ANKRD12: variants seen among roughly 807,000 people sequenced by gnomAD.
ANKRD12 encodes ankyrin repeat domain 12.
In ANKRD12, 85 loss-of-function variants were observed where a neutral mutation model predicts 183.4. The ratio of observed to expected loss-of-function variants is 0.46; its 90% CI spans 0.39 to 0.56. ANKRD12 has a LOEUF of 0.56. Ranked by LOEUF, ANKRD12 falls within the 20% of genes least tolerant of loss-of-function variation. The probability of loss-of-function intolerance (pLI) is 0.00; values close to 1 mark genes in which losing one functional copy is unlikely to be tolerated. For synonymous variants in ANKRD12, 914 were observed against 800.2 expected (o/e 1.14, Z -2.40); for missense variants, 2,405 against 2,357.1 (o/e 1.02, Z -0.42).
intron 9 of ANKRD12, among the ~76,000 whole-genome samples, chr18:9,261,193 C>CA (rs2038944406): frequency 6.6e-6 from 1 of 152,226 alleles, no homozygotes; most frequent in Non-Finnish European, 1.5e-5. Context: ...AGCAAGCTGT[C>CA]AGACCTTTCA....
At chr18:9,217,295 A>G (rs2036164100) in intron 7 of ANKRD12, among the ~76,000 whole-genome samples, 1 of 152,220 alleles carries the variant, frequency 6.6e-6, no homozygotes, top group South Asian at 2.1e-4. Flanking sequence ...ATACAAGTGC[A>G]GTTCTGGCCT....
At chr18:9,185,269 T>A (rs1349723744) in intron 2 of ANKRD12, among the ~76,000 whole-genome samples, 1 of 151,928 alleles carries the variant, frequency 6.6e-6, no homozygotes, top group Non-Finnish European at 1.5e-5. Flanking sequence ...GAGGGAAGGG[T>A]CATAGAAAGA....
chr18:9,235,372 C>A (rs1213138765), intron 8 of ANKRD12, among the ~76,000 whole-genome samples: 1 of 151,950 alleles, frequency 6.6e-6, no homozygotes, highest in African/African-American at 2.4e-5. Context: ...ATCTTGCCTT[C>A]GTTATATGAA....
chr18:9,253,127 A>T (rs575051999), intron 8 of ANKRD12, among the ~76,000 whole-genome samples: 2 of 152,152 alleles, frequency 1.3e-5, no homozygotes, highest in Non-Finnish European at 2.9e-5. Flanking sequence ...TACATGTGAT[A>T]TTTTGCTACA....
chr18:9,214,679 A>G (rs1369346581), intron 6 of ANKRD12, among the ~76,000 whole-genome samples: 1 of 152,130 alleles, frequency 6.6e-6, no homozygotes, highest in Non-Finnish European at 1.5e-5. Flanking sequence ...AAAAAATTGA[A>G]TTGCTTGATA....
At chr18:9,248,925 G>A (rs2038121794) in intron 8 of ANKRD12, among the ~76,000 whole-genome samples, 1 of 152,146 alleles carries the variant, frequency 6.6e-6, no homozygotes, top group South Asian at 2.1e-4. Flanking sequence ...GACGATAGTT[G>A]CCATCTGGGT....
At chr18:9,146,913 A>T (rs2078511338) in intron 1 of ANKRD12, among the ~76,000 whole-genome samples, 1 of 152,240 alleles carries the variant, frequency 6.6e-6, no homozygotes, top group Admixed American at 6.5e-5. Context: ...AGGCCTAAAC[A>T]ATTCAGTCCT....
intron 2 of ANKRD12, among the ~76,000 whole-genome samples, chr18:9,191,966 A>G (rs746595386): frequency 1.3e-5 from 2 of 152,156 alleles, no homozygotes; most frequent in Non-Finnish European, 2.9e-5. Context: ...TTTTTCCTGT[A>G]GAAACTACAG....
chr18:9,175,212 A>T (rs1357794253), intron 1 of ANKRD12, among the ~76,000 whole-genome samples: 1 of 152,152 alleles, frequency 6.6e-6, no homozygotes, highest in Non-Finnish European at 1.5e-5. Flanking sequence ...CTCAAAATAG[A>T]CTTTCTGTAG....
At chr18:9,180,322 T>C (rs1375231075) in intron 1 of ANKRD12, among the ~76,000 whole-genome samples, 2 of 152,204 alleles carry the variant, frequency 1.3e-5, no homozygotes, top group Non-Finnish European at 2.9e-5. Context: ...GGGTTCTTTT[T>C]CCATTCTTTT....
At chr18:9,196,585 G>A (rs1292840470) in intron 3 of ANKRD12, among the ~76,000 whole-genome samples, 1 of 152,084 alleles carries the variant, frequency 6.6e-6, no homozygotes, top group Non-Finnish European at 1.5e-5. Flanking sequence ...AAATGATCTT[G>A]ACTCTGGAAA....
At chr18:9,197,640 G>A (rs1277241121) in intron 3 of ANKRD12, among the ~76,000 whole-genome samples, 5 of 151,996 alleles carry the variant, frequency 3.3e-5, no homozygotes, top group African/African-American at 1.2e-4. Context: ...ATTATATACT[G>A]TACTCTTTAA....
intron 2 of ANKRD12, among the ~76,000 whole-genome samples, chr18:9,183,719 A>C (rs1321921998): frequency 1.3e-5 from 2 of 151,870 alleles, no homozygotes; most frequent in African/African-American, 4.8e-5. Flanking sequence ...GATTACCTTT[A>C]CTTCTCGCCC....
intron 8 of ANKRD12, among the ~76,000 whole-genome samples, chr18:9,229,255 A>G (rs2144841258): frequency 6.6e-6 from 1 of 152,288 alleles, no homozygotes; most frequent in Admixed American, 6.5e-5. Flanking sequence ...CTATTTGCTC[A>G]GGATTGCTTT....
At chr18:9,280,289 C>T (rs1568012692) in intron 12 of ANKRD12, among the ~76,000 whole-genome samples, 1 of 152,110 alleles carries the variant, frequency 6.6e-6, no homozygotes, top group Admixed American at 6.5e-5. Flanking sequence ...GAATCTAATG[C>T]CGTTGCTGAT....
intron 8 of ANKRD12, among the ~76,000 whole-genome samples, chr18:9,237,671 GA>G (rs2037425493): frequency 6.6e-6 from 1 of 152,254 alleles, no homozygotes; most frequent in South Asian, 2.1e-4. Context: ...TTTGTAAAAT[GA>G]ACAGTGTTTT....
At position 9,283,759 on chromosome 18, in the gene ANKRD12, G is replaced by GA. The variant is rs1306919608; in HGVS notation, c.*2640dup. On this transcript the variant is annotated 3_prime_UTR_variant, in exon 13 of 13. Transcript: ENST00000262126. The stretch of plus-strand genomic sequence containing the variant: ...TTTAATAAAGAGTTATATTTTTATA[G>GA]AAAAAAAGAGTGAAATGTGTGCTAA... 2.0e-5 allele frequency: 3 copies of GA among 152,446 alleles called. No homozygotes were observed. Among genetic ancestry groups the GA allele is most frequent in the African/African-American group, 7.2e-5 (3 of 41,404 alleles). 9.4% of individuals were successfully genotyped at this position (152,446 alleles called of 1,614,324 possible).
rs908384941 is a variant in ANKRD12, at chr18:9,264,959, C to T, written c.5763+1071C>T. 3.3e-5 allele frequency among the ~76,000 whole-genome samples: 5 copies of T among 152,222 alleles called. No homozygotes were observed. In the South Asian group the frequency reaches 6.2e-4, roughly 19 times the overall value. ...ATTTCTGCATTTCCCACTGAGCAAA[C>T]GGCATACCAGGAGATTATCTCCTGC... On this transcript the variant is annotated intron_variant, in intron 10 of 12. Coordinates refer to ENST00000262126, the MANE Select transcript of ANKRD12 (RefSeq NM_015208.5).
intron 1 of ANKRD12, among the ~76,000 whole-genome samples, chr18:9,181,299 T>C (rs2033682036): frequency 6.6e-6 from 1 of 152,196 alleles, no homozygotes; most frequent in South Asian, 2.1e-4. Context: ...TTCGTTTCTA[T>C]CAAAACAAAA....
Sources: gnomAD v4.1 joint callset for allele counts (sites outside exome capture counted in the v4.1 genomes callset) on GRCh38, gnomAD v4.1.1 for gene constraint, MANE v1.5 for transcripts, NCBI Gene and HGNC (gene_info 2026-07-23, HGNC 2026-07-21) for gene names.